The following PPARGC1A variants were observed in gnomAD, a reference collection of about 807,000 sequenced individuals.
PPARGC1A encodes the protein peroxisome proliferator-activated receptor gamma coactivator 1-alpha.
Under a neutral mutation model 88.7 loss-of-function variants are expected in PPARGC1A, and 25 were observed. That is an observed-to-expected ratio of 0.28 (90% CI 0.21 to 0.39). The LOEUF (loss-of-function observed/expected upper bound fraction) is 0.39. Ranked by LOEUF, PPARGC1A falls within the 10% of genes least tolerant of loss-of-function variation. PPARGC1A has a pLI of 1.00. For synonymous variants in PPARGC1A, 363 were observed against 355.6 expected (o/e 1.02, Z -0.24); for missense variants, 880 against 968.7 (o/e 0.91, Z 1.22).
At chr4:24,189,835 G>C in the PPARGC1A span, among the ~76,000 whole-genome samples, 4 of 152,052 alleles carry the variant, frequency 2.6e-5, no homozygotes, top group Non-Finnish European at 5.9e-5. Context: ...GTCCCCACCA[G>C]ACTGCCCTGA....
At chr4:24,079,979 A>G in the PPARGC1A span, among the ~76,000 whole-genome samples, 1 of 152,018 alleles carries the variant, frequency 6.6e-6, no homozygotes, top group Non-Finnish European at 1.5e-5. Context: ...CTACTAGAGA[A>G]AAGCCTGCTT....
the PPARGC1A span, among the ~76,000 whole-genome samples, chr4:24,227,195 C>T: frequency 6.6e-6 from 1 of 152,064 alleles, no homozygotes; most frequent in Non-Finnish European, 1.5e-5. Flanking sequence ...AGCGATTCTC[C>T]TGCCTCAGCT....
At chr4:23,908,784 C>T (rs997591860), upstream of PPARGC1A, among the ~76,000 whole-genome samples, 3 of 152,186 alleles carry the variant, frequency 2.0e-5, no homozygotes, top group Non-Finnish European at 2.9e-5. Flanking sequence ...ACTACCTTAG[C>T]TCCATGATGC....
At chr4:24,405,724 C>T in the PPARGC1A span, among the ~76,000 whole-genome samples, 1 of 152,060 alleles carries the variant, frequency 6.6e-6, no homozygotes. Context: ...TGGCCAATCC[C>T]CTTAAGTTAG....
the PPARGC1A span, among the ~76,000 whole-genome samples, chr4:24,405,802 C>T: frequency 6.6e-6 from 1 of 152,104 alleles, no homozygotes; most frequent in South Asian, 2.1e-4. Context: ...CTCGAACTGC[C>T]CAGTCTTAGG....
chr4:23,960,340 A>G, the PPARGC1A span, among the ~76,000 whole-genome samples: 1 of 152,128 alleles, frequency 6.6e-6, no homozygotes, highest in South Asian at 2.1e-4. Flanking sequence ...GTTGCTGAAC[A>G]TTCTACATCA....
chr4:24,058,802 G>A, the PPARGC1A span, among the ~76,000 whole-genome samples: 53,108 of 151,858 alleles, frequency 0.35, 9,427 homozygotes, highest in South Asian at 0.41. Context: ...AAAATTAGCC[G>A]GGCGTGGTGG....
the PPARGC1A span, among the ~76,000 whole-genome samples, chr4:24,222,359 A>G: frequency 6.6e-6 from 1 of 152,222 alleles, no homozygotes; most frequent in Non-Finnish European, 1.5e-5. Flanking sequence ...TTTTTAACCC[A>G]TTAAATACAT....
chr4:24,253,017 G>A, the PPARGC1A span, among the ~76,000 whole-genome samples: 1 of 151,950 alleles, frequency 6.6e-6, no homozygotes, highest in Non-Finnish European at 1.5e-5. Context: ...ATTTGTAATT[G>A]GACTCCCATT....
At chr4:24,256,838 CTG>C in the PPARGC1A span, among the ~76,000 whole-genome samples, 1 of 152,102 alleles carries the variant, frequency 6.6e-6, no homozygotes, top group Admixed American at 6.6e-5. Context: ...TCTCTGGACT[CTG>C]AGATGCAGAA....
At chr4:24,148,427 TC>T in the PPARGC1A span, among the ~76,000 whole-genome samples, 1 of 152,176 alleles carries the variant, frequency 6.6e-6, no homozygotes, top group Admixed American at 6.6e-5. Context: ...TCAGTCATGA[TC>T]TCTACCTCCA....
chr4:24,178,152 T>C, the PPARGC1A span, among the ~76,000 whole-genome samples: 1 of 152,228 alleles, frequency 6.6e-6, no homozygotes, highest in South Asian at 2.1e-4. Flanking sequence ...ATCCTATTCA[T>C]TCATTCATTC....
At chr4:24,255,089 G>A in the PPARGC1A span, among the ~76,000 whole-genome samples, 1 of 152,148 alleles carries the variant, frequency 6.6e-6, no homozygotes, top group African/African-American at 2.4e-5. Context: ...AATCACTTAA[G>A]ACTCTTTCCT....
the PPARGC1A span, among the ~76,000 whole-genome samples, chr4:23,930,541 G>A: frequency 6.6e-6 from 1 of 152,148 alleles, no homozygotes; most frequent in Non-Finnish European, 1.5e-5. Context: ...ATAAAAAAAG[G>A]TTTTGAAATA....
chr4:24,431,787 T>C, the PPARGC1A span, among the ~76,000 whole-genome samples: 1 of 152,014 alleles, frequency 6.6e-6, no homozygotes, highest in Non-Finnish European at 1.5e-5. Context: ...TAGCACATGG[T>C]AGGGATCAAT....
At chr4:24,230,317 C>G in the PPARGC1A span, among the ~76,000 whole-genome samples, 3 of 152,184 alleles carry the variant, frequency 2.0e-5, no homozygotes, top group African/African-American at 7.2e-5. Context: ...CAAAGCCCCC[C>G]ACTTCAGCGA....
chr4:24,178,109 T>C, the PPARGC1A span, among the ~76,000 whole-genome samples: 14,444 of 152,266 alleles, frequency 0.095, 803 homozygotes, highest in African/African-American at 0.15. Flanking sequence ...TTTGAGCCTA[T>C]TGTATAAATG....
At chr4:24,433,234 T>G in the PPARGC1A span, among the ~76,000 whole-genome samples, 1 of 152,208 alleles carries the variant, frequency 6.6e-6, no homozygotes, top group East Asian at 1.9e-4. Context: ...CTCCATAGTC[T>G]TAGTCTATAG....
chr4:24,294,217 T>G, the PPARGC1A span, among the ~76,000 whole-genome samples: 1 of 152,162 alleles, frequency 6.6e-6, no homozygotes, highest in Non-Finnish European at 1.5e-5. Flanking sequence ...CCCTGGGGCT[T>G]TTGTGAAAAT....
Sources: allele counts gnomAD v4.1 joint callset (sites outside exome capture counted in the v4.1 genomes callset), GRCh38; gene constraint gnomAD v4.1.1; transcripts MANE v1.5; gene names NCBI Gene and HGNC (gene_info 2026-07-23, HGNC 2026-07-21).